The following SOX5 variants were observed in gnomAD, a reference collection of about 807,000 sequenced individuals.
SOX5 encodes SRY-box transcription factor 5, also known as transcription factor SOX-5.
SOX5 carries 9 observed loss-of-function variants against 92.0 expected under a neutral mutation model. The ratio of observed to expected loss-of-function variants is 0.10; its 90% CI spans 0.06 to 0.17. The LOEUF (loss-of-function observed/expected upper bound fraction) is 0.17, where lower values mean the gene tolerates loss of function less well. Ranked by LOEUF, SOX5 falls within the 10% of genes least tolerant of loss-of-function variation. SOX5 has a pLI of 1.00. For synonymous variants in SOX5, 344 were observed against 336.3 expected (o/e 1.02, Z -0.25); for missense variants, 642 against 944.5 (o/e 0.68, Z 4.20).
intron 3 of SOX5, among the ~76,000 whole-genome samples, chr12:24,245,235 TTGTGTGTGTGTGTGTGTGTGTG>T (rs58384963): frequency 6.9e-6 from 1 of 144,274 alleles, no homozygotes. Flanking sequence ...TTGGAGAGAT[TTGTGTGTGTGTGTGTGTGTGTG>T]TGTGTGTGTG....
At chr12:23,993,077 T>C (rs932329511) in intron 4 of SOX5, among the ~76,000 whole-genome samples, 3 of 152,184 alleles carry the variant, frequency 2.0e-5, no homozygotes, top group Non-Finnish European at 4.4e-5. Flanking sequence ...TTCATCCTTG[T>C]ACCAGATAGA....
At chr12:23,861,393 T>A (rs2096756264) in intron 2 of SOX5, among the ~76,000 whole-genome samples, 1 of 152,172 alleles carries the variant, frequency 6.6e-6, no homozygotes, top group Admixed American at 6.5e-5. Flanking sequence ...CATGGAAACT[T>A]GATGAAGTTA....
At chr12:24,038,171 A>G (rs1956219195) in intron 4 of SOX5, among the ~76,000 whole-genome samples, 2 of 152,194 alleles carry the variant, frequency 1.3e-5, no homozygotes, top group Non-Finnish European at 2.9e-5. Flanking sequence ...AGAGTCCCAA[A>G]TAAACCTTTC....
intron 2 of SOX5, among the ~76,000 whole-genome samples, chr12:24,303,155 G>A (rs1422585374): frequency 6.6e-6 from 1 of 151,888 alleles, no homozygotes; most frequent in African/African-American, 2.4e-5. Context: ...AAGGAAGGAA[G>A]GTTGTATAAG....
chr12:23,550,779 TA>T (rs544692700), intron 11 of SOX5, among the ~76,000 whole-genome samples: 180 of 151,772 alleles, frequency 1.2e-3, no homozygotes, highest in Middle Eastern at 0.01. Flanking sequence ...TATTTTGACT[TA>T]AAAAAAATAA....
At chr12:24,373,660 A>T (rs1956964505) in intron 1 of SOX5, among the ~76,000 whole-genome samples, 1 of 152,226 alleles carries the variant, frequency 6.6e-6, no homozygotes, top group Non-Finnish European at 1.5e-5. Context: ...ATGCACACAA[A>T]CACAGATATC....
intron 4 of SOX5, among the ~76,000 whole-genome samples, chr12:24,006,418 T>C (rs1467692649): frequency 6.6e-6 from 1 of 152,174 alleles, no homozygotes; most frequent in Non-Finnish European, 1.5e-5. Flanking sequence ...GGTCCCCTTA[T>C]TTACTGCTTT....
Position 23,578,144 on chromosome 12 carries a change from A to AAAAAAAAAAAAAAAAAAAAAAAAAAAAAG in SOX5, c.1165-2307_1165-2306insCTTTTTTTTTTTTTTTTTTTTTTTTTTTT, listed in dbSNP as rs1432589481. On this transcript the variant is annotated intron_variant, in intron 9 of 14. Coordinates refer to ENST00000451604, the MANE Select transcript of SOX5 (RefSeq NM_006940.6). ...AAAAAAAAAAAAAAAAAAAAAAAAA[A>AAAAAAAAAAAAAAAAAAAAAAAAAAAAAG]AAAAAACTATAGGGGCAATATTATC... is the stretch of plus-strand genomic sequence containing the variant. Among the ~76,000 whole-genome samples, 5 of 134,908 alleles carry AAAAAAAAAAAAAAAAAAAAAAAAAAAAAG rather than the reference A, an allele frequency of 3.7e-5. 1 individual carries two copies. Among genetic ancestry groups the AAAAAAAAAAAAAAAAAAAAAAAAAAAAAG allele is most frequent in the Non-Finnish European group, 6.5e-5 (4 of 61,726 alleles). 88.5% of individuals were successfully genotyped at this position (134,908 alleles called of 152,430 possible).
At chr12:24,192,410 G>A (rs994440208) in intron 4 of SOX5, among the ~76,000 whole-genome samples, 3 of 141,024 alleles carry the variant, frequency 2.1e-5, no homozygotes, top group Non-Finnish European at 4.5e-5. Flanking sequence ...ATAACTACTT[G>A]GTGCAGTGTG....
chr12:24,371,030 T>C lies in SOX5; in HGVS notation c.-250-2391A>G, dbSNP rs551335165. On this transcript the variant is annotated intron_variant, in intron 1 of 4. Coordinates refer to the SOX5 transcript ENST00000446891. ...AATATAATGGATTTTATTCCATGAATAGGTTATATTATATAACACAGGTGA... is the reference window on the plus strand; with the variant it reads ...AATATAATGGATTTTATTCCATGAACAGGTTATATTATATAACACAGGTGA... Among the ~76,000 whole-genome samples the C allele has an allele frequency of 2.6e-5, 4 of 152,348 alleles. No individual in the cohort carries two copies. The East Asian group carries it at 7.7e-4, about 29-fold the overall frequency.
At chr12:23,755,553 G>A in intron 4 of SOX5, 85 bp downstream of exon 4, 2 of 939,806 alleles carry the variant, frequency 2.1e-6, no homozygotes, top group African/African-American at 1.7e-5. Context: ...AGAGGTGAGG[G>A]CAGAAATACT....
intron 4 of SOX5, among the ~76,000 whole-genome samples, chr12:23,963,113 T>C (rs577198555): frequency 3.5e-4 from 53 of 150,744 alleles, no homozygotes; most frequent in African/African-American, 1.3e-3. Context: ...GCAAACAAAT[T>C]ATTTTATAAG....
chr12:24,061,191 G>A (rs1335117177), intron 4 of SOX5, among the ~76,000 whole-genome samples: 1 of 151,982 alleles, frequency 6.6e-6, no homozygotes, highest in African/African-American at 2.4e-5. Flanking sequence ...AGGACGAAGA[G>A]AAGAAATTAC....
rs142414966 is a variant in SOX5, at chr12:24,057,230, A to G, written c.-2+156113T>C. Among the ~76,000 whole-genome samples the G allele has an allele frequency of 6.0e-3, 920 of 152,148 alleles. 10 individuals are homozygous for G. Among genetic ancestry groups the G allele is most frequent in the South Asian group, 0.034 (163 of 4,824 alleles). On this transcript the variant is annotated intron_variant, in intron 4 of 4. Coordinates refer to the SOX5 transcript ENST00000446891. The stretch of plus-strand genomic sequence containing the variant: ...AGGGAGAGAAGACACAAAGACTCAT[A>G]TAAAGAAGGAATTGATAAAAAACCT...
chr12:23,964,483 A>G (rs1417630345), intron 4 of SOX5, among the ~76,000 whole-genome samples: 1 of 152,176 alleles, frequency 6.6e-6, no homozygotes, highest in Non-Finnish European at 1.5e-5. Flanking sequence ...AGTGGCATCA[A>G]TATAGGATAC....
intron 7 of SOX5, among the ~76,000 whole-genome samples, chr12:23,645,946 T>C (rs574122470): frequency 6.6e-6 from 1 of 152,324 alleles, no homozygotes; most frequent in East Asian, 1.9e-4. Flanking sequence ...ATATAAGTCG[T>C]GTTTAGACAA....
intron 3 of SOX5, among the ~76,000 whole-genome samples, chr12:23,771,850 T>A (rs531606258): frequency 1.3e-5 from 2 of 152,302 alleles, no homozygotes; most frequent in Admixed American, 1.3e-4. Flanking sequence ...GTCAACAGTT[T>A]CAAAAATATT....
intron 11 of SOX5, among the ~76,000 whole-genome samples, chr12:23,548,571 G>A (rs1943593550): frequency 6.6e-6 from 1 of 152,000 alleles, no homozygotes; most frequent in South Asian, 2.1e-4. Context: ...TGCAGGAAAT[G>A]GAGAATGTGA....
At chr12:23,563,717 A>G (rs1041486102) in intron 10 of SOX5, among the ~76,000 whole-genome samples, 2 of 152,182 alleles carry the variant, frequency 1.3e-5, no homozygotes, top group African/African-American at 4.8e-5. Context: ...TTATTCGAAT[A>G]TTATTTTGTA....
Sources: gnomAD v4.1 joint callset for allele counts (sites outside exome capture counted in the v4.1 genomes callset) on GRCh38, gnomAD v4.1.1 for gene constraint, MANE v1.5 for transcripts, NCBI Gene and HGNC (gene_info 2026-07-23, HGNC 2026-07-21) for gene names.